Variants in ATP1B2 observed in about 807,000 individuals in gnomAD.
ATP1B2 encodes sodium/potassium-transporting ATPase subunit beta-2.
A neutral mutation model predicts 37.3 loss-of-function variants in ATP1B2; 12 were observed. The observed-to-expected ratio is 0.32, with a 90% CI of 0.21 to 0.52. The LOEUF (loss-of-function observed/expected upper bound fraction) is 0.52, where lower values mean the gene tolerates loss of function less well. Ranked by LOEUF, ATP1B2 falls within the 20% of genes least tolerant of loss-of-function variation. The pLI is 0.96. For synonymous variants in ATP1B2, 139 were observed against 140.5 expected (o/e 0.99, Z 0.07); for missense variants, 324 against 391.6 (o/e 0.83, Z 1.46).
chr17:7,653,795 C>G (rs750985756), intron 2 of ATP1B2, 46 bp from the exon 3 acceptor site: 108 of 1,572,128 alleles, frequency 6.9e-5, no homozygotes, highest in Middle Eastern at 1.7e-4. Context: ...TGTGTGCAGT[C>G]CCTCATCTTA....
In ATP1B2 at chr17:7,656,065, C is replaced by T. The variant is rs1455604587; in HGVS notation, c.*170C>T. 2.0e-5 allele frequency: 18 copies of T among 898,834 alleles called. No individual in the cohort carries two copies. In the African/African-American group the frequency reaches 2.0e-4, roughly 10 times the overall value. The allele number at this position is 898,834 out of a possible 1,614,324, so 55.7% of individuals were successfully genotyped here. A position where few individuals can be genotyped will look rare whatever the true frequency, so the allele number is the denominator to read the frequency against. Reference sequence around the variant, plus strand: ...TCTCAACCCAGCCTGAAGTCCATTGCGGTTCCGTCACTCGCCTTTCCCACC... The same window carrying T: ...TCTCAACCCAGCCTGAAGTCCATTGTGGTTCCGTCACTCGCCTTTCCCACC... On this transcript the variant is annotated 3_prime_UTR_variant, in exon 7 of 7. Coordinates refer to ENST00000250111, the MANE Select transcript of ATP1B2 (RefSeq NM_001678.5).
At position 7,654,791 on chromosome 17, in the gene ATP1B2, G is replaced by A. The variant is rs887275007; in HGVS notation, c.609+107G>A. The A allele has an allele frequency of 3.7e-6, 5 of 1,343,452 alleles. No individual in the cohort carries two copies. 83.2% of individuals were successfully genotyped at this position (1,343,452 alleles called of 1,614,324 possible). A position where few individuals can be genotyped will look rare whatever the true frequency, so the allele number is the denominator to read the frequency against. ...TCTCTCCCTATCTTCTTTGCTCCTA[G>A]AGGCCCCATCACCATAGAAACAAGG... On this transcript the variant is annotated intron_variant, in intron 5 of 6. Coordinates refer to ENST00000250111, the MANE Select transcript of ATP1B2 (RefSeq NM_001678.5). This position sits in a 1 kb window ranked among gnomAD's most constrained non-coding sequence, Gnocchi z 4.9.
chr17:7,649,178 G>C (rs2072593335), upstream of ATP1B2, among the ~76,000 whole-genome samples: 1 of 151,942 alleles, frequency 6.6e-6, no homozygotes, highest in Non-Finnish European at 1.5e-5. Context: ...TCAGCCTCCT[G>C]AGTAGCTGGG....
Position 7,656,100 on chromosome 17 carries a change from C to A in ATP1B2, c.*205C>A. 1 of 660,560 alleles carries A rather than the reference C, an allele frequency of 1.5e-6. No homozygotes were observed. Among genetic ancestry groups the A allele is most frequent in the Non-Finnish European group, 2.5e-6 (1 of 395,020 alleles). 40.9% of individuals were successfully genotyped at this position (660,560 alleles called of 1,614,324 possible). On this transcript the variant is annotated 3_prime_UTR_variant, in exon 7 of 7. Transcript: ENST00000250111. ...ACTCGCCTTTCCCACCAACTTCTCC[C>A]AACCTCAGATCAGTCAGACAGGGAG... is the stretch of plus-strand genomic sequence containing the variant.
chr17:7,651,692 G>C, intron 1 of ATP1B2, 62 bp downstream of exon 1: 2 of 1,431,146 alleles, frequency 1.4e-6, no homozygotes, highest in Non-Finnish European at 1.9e-6. Context: ...CGGGGGCGCA[G>C]GGTCCCGCCG....
chr17:7,647,893 T>C (rs892324572), upstream of ATP1B2, among the ~76,000 whole-genome samples: 1 of 151,438 alleles, frequency 6.6e-6, no homozygotes, highest in African/African-American at 2.4e-5. Flanking sequence ...GGTGTGGTGA[T>C]GTGTGCCTGC....
rs1272826976 is a variant in ATP1B2 at position 7,654,970 on chromosome 17, C to T, written c.609+286C>T. Among the ~76,000 whole-genome samples the T allele has an allele frequency of 6.6e-6, 1 of 152,132 alleles. No individual in the cohort carries two copies. The highest frequency in any genetic ancestry group is 2.4e-5 in the African/African-American group (1 of 41,418). On this transcript the variant is annotated intron_variant, in intron 5 of 6. Transcript: ENST00000250111. The surrounding 1 kb of genome is among the most constrained non-coding windows in gnomAD (Gnocchi z 4.9). The stretch of plus-strand genomic sequence containing the variant: ...CCTGGCCTCTGGCTTCTCTCCCTAA[C>T]GCTTCCACCTTCTCCTTCATTCCCA...
upstream of ATP1B2, among the ~76,000 whole-genome samples, chr17:7,649,977 C>A (rs912682873): frequency 1.6e-4 from 25 of 152,200 alleles, no homozygotes; most frequent in African/African-American, 4.8e-4. Flanking sequence ...CAGGCATAAG[C>A]CACCGTGCCC....
At chr17:7,649,564 T>A (rs936763555), upstream of ATP1B2, among the ~76,000 whole-genome samples, 5 of 150,992 alleles carry the variant, frequency 3.3e-5, no homozygotes, top group Non-Finnish European at 7.4e-5. Flanking sequence ...ATTTTTTTTT[T>A]TTTTTTTATT....
rs2072665473 is a variant in ATP1B2 at position 7,657,713 on chromosome 17, A to G, written c.*1818A>G. ...CCTGTGTCAGATCTACTGTAAAAAGAGGATTAAGTAAAATAAAATGAGAGC... is the reference window on the plus strand; with the variant it reads ...CCTGTGTCAGATCTACTGTAAAAAGGGGATTAAGTAAAATAAAATGAGAGC... On this transcript the variant is annotated 3_prime_UTR_variant, in exon 7 of 7. Coordinates refer to ENST00000250111, the MANE Select transcript of ATP1B2 (RefSeq NM_001678.5). 2 of 152,512 alleles carry G rather than the reference A, an allele frequency of 1.3e-5. No individual in the cohort carries two copies. Among genetic ancestry groups the G allele is most frequent in the Non-Finnish European group, 1.5e-5 (1 of 68,034 alleles). 9.4% of individuals were successfully genotyped at this position (152,512 alleles called of 1,614,324 possible).
chr17:7,656,867 AT>A lies in ATP1B2; in HGVS notation c.*973del, dbSNP rs1369651519. 2.2e-5 allele frequency: 3 copies of A among 136,738 alleles called. No individual in the cohort carries two copies. Among genetic ancestry groups the A allele is most frequent in the Non-Finnish European group, 4.7e-5 (3 of 64,210 alleles). 8.5% of individuals were successfully genotyped at this position (136,738 alleles called of 1,614,324 possible). ...TTTTTTTTTGCATTTTTTAGTAGAGATGGGGGTTTCTCCTTGTTGGTCAGGC... is the reference window on the plus strand; with the variant it reads ...TTTTTTTTTGCATTTTTTAGTAGAGAGGGGGTTTCTCCTTGTTGGTCAGGC... On this transcript the variant is annotated 3_prime_UTR_variant, in exon 7 of 7. Coordinates refer to ENST00000250111, the MANE Select transcript of ATP1B2 (RefSeq NM_001678.5).
At position 7,655,838 on chromosome 17, in the gene ATP1B2, T is replaced by C; in HGVS notation, c.816T>C (p.Asp272=). 1 of 1,614,150 alleles carries C rather than the reference T, an allele frequency of 6.2e-7. No homozygotes were observed. Among genetic ancestry groups the C allele is most frequent in the South Asian group, 1.1e-5 (1 of 91,082 alleles). ...RINAANIATD[D]ERDKFAGRVA... ...ACGCCGCCAACATCGCCACAGACGA[T>C]GAGCGAGACAAGTTCGCCGGCCGCG... Residue 272 remains aspartate, a synonymous_variant, in exon 7 of 7, where the codon GAT becomes GAC. Coordinates refer to ENST00000250111, the MANE Select transcript of ATP1B2 (RefSeq NM_001678.5). The surrounding 1 kb of genome is among the most constrained non-coding windows in gnomAD (Gnocchi z 4.4).
At chr17:7,651,968 C>T (rs945157634) in intron 1 of ATP1B2, among the ~76,000 whole-genome samples, 2 of 152,184 alleles carry the variant, frequency 1.3e-5, no homozygotes, top group African/African-American at 4.8e-5. Flanking sequence ...AAGAGCGCCC[C>T]TTCCCTCCCT....
chr17:7,654,148 G>C lies in ATP1B2; in HGVS notation c.443G>C (p.Arg148Pro), dbSNP rs148893862. The C allele has an allele frequency of 3.1e-6, 5 of 1,614,156 alleles. No homozygotes were observed. In the South Asian group the frequency reaches 4.4e-5, roughly 14 times the overall value. ...PDNGVLNYPK[R>P]ACQFNRTQLG... ...AATGGAGTCCTCAACTACCCCAAAC[G>C]TGCCTGCCAATTCAACCGGACCCAG... is the stretch of plus-strand genomic sequence containing the variant. The change falls in exon 4 of 7, where the codon CGT becomes CCT. Residue 148 changes from arginine to proline, a missense_variant. Physicochemically the swap from Arg to Pro is moderately radical, Grantham distance 103. Coordinates refer to ENST00000250111, the MANE Select transcript of ATP1B2 (RefSeq NM_001678.5). The surrounding 1 kb of genome is among the most constrained non-coding windows in gnomAD (Gnocchi z 4.9).
At chr17:7,650,772 G>T (rs1597333632), upstream of ATP1B2, among the ~76,000 whole-genome samples, 1 of 151,338 alleles carries the variant, frequency 6.6e-6, no homozygotes, top group Non-Finnish European at 1.5e-5. Context: ...GTCCCTAAGA[G>T]AAGTCAGGGG....
rs1042695290 is a variant in ATP1B2, at chr17:7,655,132, C to A, written c.610-395C>A. On this transcript the variant is annotated intron_variant, in intron 5 of 6. Coordinates refer to ENST00000250111, the MANE Select transcript of ATP1B2 (RefSeq NM_001678.5). The surrounding 1 kb of genome is among the most constrained non-coding windows in gnomAD (Gnocchi z 4.4). ...TTGGGACCCTGTTCCCCGCTTCCCC[C>A]CCGGTCTGTCCTTTCTAGAAACTGG... 4.6e-5 allele frequency: 15 copies of A among 323,460 alleles called. No individual in the cohort carries two copies. Among genetic ancestry groups the A allele is most frequent in the African/African-American group, 1.5e-4 (7 of 46,752 alleles). The allele number at this position is 323,460 out of a possible 1,614,324, so 20.0% of individuals were successfully genotyped here.
intron 1 of ATP1B2, among the ~76,000 whole-genome samples, chr17:7,652,162 G>A (rs1424957385): frequency 6.6e-6 from 1 of 152,074 alleles, no homozygotes; most frequent in Non-Finnish European, 1.5e-5. Flanking sequence ...GGGTTGGGGG[G>A]CTGCTGATAG....
At chr17:7,651,855 G>GC (rs2072615611) in intron 1 of ATP1B2, among the ~76,000 whole-genome samples, 1 of 151,462 alleles carries the variant, frequency 6.6e-6, no homozygotes, top group African/African-American at 2.4e-5. Flanking sequence ...CCCCCGCGGA[G>GC]CCCCCTCGGG....
intron 1 of ATP1B2, among the ~76,000 whole-genome samples, chr17:7,653,024 A>G (rs2072624031): frequency 6.6e-6 from 1 of 152,202 alleles, no homozygotes; most frequent in South Asian, 2.1e-4. Flanking sequence ...ATGCTAGCAC[A>G]GCTTTAAGCA....
Sources: gnomAD v4.1 joint callset for allele counts (sites outside exome capture counted in the v4.1 genomes callset) on GRCh38, gnomAD v4.1.1 for gene constraint, Gnocchi (gnomAD v3.1) non-coding constraint, MANE v1.5 for transcripts, NCBI Gene and HGNC (gene_info 2026-07-23, HGNC 2026-07-21) for gene names.